Variants in GRID2 observed in about 807,000 individuals in gnomAD.
GRID2 encodes glutamate receptor ionotropic, delta-2.
GRID2 carries 33 observed loss-of-function variants against 114.8 expected under a neutral mutation model. The observed-to-expected ratio is 0.29, with a 90% confidence interval of 0.22 to 0.38. The LOEUF is 0.38. Among genes scored for constraint, GRID2 ranks in the 10% least tolerant of loss-of-function variants. GRID2 has a pLI of 1.00. For synonymous variants in GRID2, 505 were observed against 449.9 expected (o/e 1.12, Z -1.55); for missense variants, 1,184 against 1,257.7 (o/e 0.94, Z 0.89).
intron 1 of GRID2, among the ~76,000 whole-genome samples, chr4:92,457,458 GAGA>G (rs1721273883): frequency 6.6e-6 from 1 of 152,068 alleles, no homozygotes; most frequent in African/African-American, 2.4e-5. Flanking sequence ...ATAAATATAT[GAGA>G]AGAAAAATAT....
intron 14 of GRID2, among the ~76,000 whole-genome samples, chr4:93,675,317 G>C (rs1487523817): frequency 1.3e-5 from 2 of 151,988 alleles, no homozygotes; most frequent in African/African-American, 2.4e-5. Flanking sequence ...TTTTTTAATA[G>C]ATAGACTATC....
At chr4:93,130,804 G>C (rs1222061114) in intron 4 of GRID2, among the ~76,000 whole-genome samples, 1 of 152,112 alleles carries the variant, frequency 6.6e-6, no homozygotes, top group South Asian at 2.1e-4. Context: ...GTAAATTTTT[G>C]AGGTGAAATT....
intron 13 of GRID2, among the ~76,000 whole-genome samples, chr4:93,568,060 T>A (rs1369241280): frequency 6.6e-6 from 1 of 152,178 alleles, no homozygotes; most frequent in African/African-American, 2.4e-5. Context: ...CACAAATAGA[T>A]ACAATCTCAG....
At chr4:93,521,108 G>C (rs1419614477) in intron 13 of GRID2, among the ~76,000 whole-genome samples, 1 of 152,152 alleles carries the variant, frequency 6.6e-6, no homozygotes, top group Non-Finnish European at 1.5e-5. Context: ...AAAAAGAGGA[G>C]TTAGGGATGA....
At chr4:93,042,715 A>T (rs550717490) in intron 2 of GRID2, among the ~76,000 whole-genome samples, 1 of 145,622 alleles carries the variant, frequency 6.9e-6, no homozygotes, top group South Asian at 2.2e-4. Flanking sequence ...ATATATATAT[A>T]GATATATAGA....
chr4:92,519,738 G>T (rs780222119), intron 1 of GRID2, among the ~76,000 whole-genome samples: 2 of 151,830 alleles, frequency 1.3e-5, no homozygotes, highest in Non-Finnish European at 1.5e-5. Flanking sequence ...AACCAATGGT[G>T]TAGTGGTTTC....
chr4:93,647,421 C>A lies in GRID2; in HGVS notation c.2360+20986C>A, dbSNP rs1473441056. Among the ~76,000 whole-genome samples, 3 of 152,152 alleles carry A rather than the reference C, an allele frequency of 2.0e-5. No individual in the cohort carries two copies. In the East Asian group the frequency reaches 5.8e-4, roughly 29 times the overall value. Reference sequence around the variant, plus strand: ...TCTCAAGAACCGAAGTTCTTTTCACCTCTATACTCATCCATCCATGGTGAG... The same window carrying A: ...TCTCAAGAACCGAAGTTCTTTTCACATCTATACTCATCCATCCATGGTGAG... On this transcript the variant is annotated intron_variant, in intron 14 of 15. Transcript: ENST00000282020.
chr4:92,738,775 C>G (rs558755397), intron 2 of GRID2, among the ~76,000 whole-genome samples: 2 of 152,218 alleles, frequency 1.3e-5, no homozygotes, highest in South Asian at 4.1e-4. Flanking sequence ...CCTCAGCCTC[C>G]TCAGTAGCTA....
At chr4:92,926,336 T>G (rs987520684) in intron 2 of GRID2, among the ~76,000 whole-genome samples, 1 of 151,976 alleles carries the variant, frequency 6.6e-6, no homozygotes, top group Non-Finnish European at 1.5e-5. Context: ...ATGTTTTATA[T>G]CTATGAAAGC....
intron 1 of GRID2, among the ~76,000 whole-genome samples, chr4:92,479,404 T>C (rs1046677154): frequency 1.3e-5 from 2 of 152,140 alleles, no homozygotes; most frequent in East Asian, 3.8e-4. Flanking sequence ...ATTAAAAAAA[T>C]GCCTAAATTT....
intron 6 of GRID2, among the ~76,000 whole-genome samples, chr4:93,219,944 G>T (rs1744682512): frequency 6.6e-6 from 1 of 152,076 alleles, no homozygotes; most frequent in Non-Finnish European, 1.5e-5. Context: ...GCACTGCTTT[G>T]AATTAGGCTT....
At chr4:93,045,475 A>G (rs1248775202) in intron 2 of GRID2, among the ~76,000 whole-genome samples, 1 of 152,112 alleles carries the variant, frequency 6.6e-6, no homozygotes, top group Admixed American at 6.6e-5. Flanking sequence ...TCATCCAGTT[A>G]ACAAAGGAGC....
chr4:92,884,860 T>C (rs1746263124), intron 2 of GRID2: 2 of 410,048 alleles, frequency 4.9e-6, no homozygotes, highest in Non-Finnish European at 1.0e-5. Context: ...AGTATGTCCA[T>C]ACAGTGTCAG....
chr4:92,861,489 C>T (rs1374072730), intron 2 of GRID2, among the ~76,000 whole-genome samples: 1 of 152,012 alleles, frequency 6.6e-6, no homozygotes, highest in African/African-American at 2.4e-5. Flanking sequence ...TCATATGGTC[C>T]TCATTGACCA....
intron 13 of GRID2, among the ~76,000 whole-genome samples, chr4:93,622,416 A>T (rs1486057565): frequency 6.6e-6 from 1 of 152,146 alleles, no homozygotes; most frequent in Non-Finnish European, 1.5e-5. Context: ...AGCTGTCAGG[A>T]TTGTTAAAAT....
chr4:93,323,445 T>C (rs192413118), intron 8 of GRID2, among the ~76,000 whole-genome samples: 20 of 152,336 alleles, frequency 1.3e-4, no homozygotes, highest in Non-Finnish European at 8.8e-5. Context: ...TTTTGGTTAC[T>C]GTAGCCTTGT....
intron 13 of GRID2, among the ~76,000 whole-genome samples, chr4:93,542,991 T>TACACACAC (rs753293567): frequency 6.6e-5 from 10 of 152,148 alleles, no homozygotes; most frequent in Non-Finnish European, 1.2e-4. Context: ...TTTAAGGGGT[T>TACACACAC]ACACACTCAT....
chr4:93,030,218 C>T (rs1724271582), intron 2 of GRID2, among the ~76,000 whole-genome samples: 2 of 152,032 alleles, frequency 1.3e-5, no homozygotes, highest in African/African-American at 4.8e-5. Flanking sequence ...TTTTGGAATA[C>T]AGAAAACTGT....
At chr4:92,309,354 A>T (rs1725579946) in intron 1 of GRID2, among the ~76,000 whole-genome samples, 1 of 151,992 alleles carries the variant, frequency 6.6e-6, no homozygotes, top group Non-Finnish European at 1.5e-5. Context: ...AAAAAGTAAG[A>T]TATTCACATT....
Sources: allele counts gnomAD v4.1 joint callset (sites outside exome capture counted in the v4.1 genomes callset), GRCh38; gene constraint gnomAD v4.1.1; transcripts MANE v1.5; gene names NCBI Gene and HGNC (gene_info 2026-07-23, HGNC 2026-07-21).